Variants in LRFN5 observed in about 807,000 individuals in gnomAD.
LRFN5 encodes the protein leucine rich repeat and fibronectin type III domain containing 5.
Under a neutral mutation model 45.6 loss-of-function variants are expected in LRFN5, and 24 were observed. The observed-to-expected ratio is 0.53, with a 90% CI of 0.38 to 0.74. The LOEUF is 0.74. LRFN5 is among the 30% of genes least tolerant of loss of function. The pLI is 0.00. For synonymous variants in LRFN5, 340 were observed against 313.8 expected (o/e 1.08, Z -0.88); for missense variants, 776 against 861.5 (o/e 0.90, Z 1.24).
At chr14:41,650,268 A>AC (rs1437857911) in intron 1 of LRFN5, among the ~76,000 whole-genome samples, 1,384 of 129,368 alleles carry the variant, frequency 0.011, 9 homozygotes, top group Admixed American at 0.014. Context: ...CACACACACA[A>AC]AAAAAAAAAA....
intron 1 of LRFN5, among the ~76,000 whole-genome samples, chr14:41,744,070 G>C (rs1456789871): frequency 6.6e-6 from 1 of 152,070 alleles, no homozygotes; most frequent in Non-Finnish European, 1.5e-5. Context: ...AAATGAGAAA[G>C]CTACTGGGTG....
chr14:41,699,802 T>C (rs1227105328), intron 1 of LRFN5: 2 of 152,060 alleles, frequency 1.3e-5, no homozygotes, highest in South Asian at 2.1e-4. Flanking sequence ...AAAGTGTAGG[T>C]ATTCAGGGAG....
At chr14:41,857,652 A>G (rs1004068354) in intron 2 of LRFN5, among the ~76,000 whole-genome samples, 49 of 152,336 alleles carry the variant, frequency 3.2e-4, no homozygotes, top group African/African-American at 1.2e-3. Context: ...GTGGTGATAA[A>G]AACATGCATA....
At chr14:41,760,940 C>T (rs190713762) in intron 1 of LRFN5, among the ~76,000 whole-genome samples, 126 of 152,154 alleles carry the variant, frequency 8.3e-4, no homozygotes, top group African/African-American at 2.9e-3. Flanking sequence ...CACAGTAAGC[C>T]CCAATGTCCA....
At position 41,726,624 on chromosome 14, in the gene LRFN5, AT is replaced by A. The variant is rs569532367; in HGVS notation, c.-196-40223del. 2.7e-3 allele frequency among the ~76,000 whole-genome samples: 298 copies of A among 108,920 alleles called. 3 individuals are homozygous for A. Among genetic ancestry groups the A allele is most frequent in the African/African-American group, 8.0e-3 (291 of 36,340 alleles). 71.5% of individuals were successfully genotyped at this position (108,920 alleles called of 152,430 possible). ...CCATGAACAAAATAATGGTTCATAT[AT>A]TTTTTTCTATTTTTTTTGACTTTTT... On this transcript the variant is annotated intron_variant, in intron 1 of 5. Coordinates refer to ENST00000298119, the MANE Select transcript of LRFN5 (RefSeq NM_152447.5).
intron 1 of LRFN5, among the ~76,000 whole-genome samples, chr14:41,696,593 C>T (rs1226492857): frequency 2.5e-5 from 2 of 80,520 alleles, no homozygotes; most frequent in Non-Finnish European, 4.5e-5. Context: ...CTCAGAAGAG[C>T]AATTGCTGGA....
chr14:41,760,752 G>A (rs551348756), intron 1 of LRFN5, among the ~76,000 whole-genome samples: 14 of 151,790 alleles, frequency 9.2e-5, no homozygotes, highest in Non-Finnish European at 1.9e-4. Context: ...AACAGGGAGG[G>A]ACGGGACACA....
At chr14:41,666,245 C>G (rs1880892393) in intron 1 of LRFN5, among the ~76,000 whole-genome samples, 1 of 151,864 alleles carries the variant, frequency 6.6e-6, no homozygotes, top group Non-Finnish European at 1.5e-5. Context: ...TTTATTGCAG[C>G]CCTGAAGAGC....
chr14:41,721,686 A>G (rs561850003), intron 1 of LRFN5, among the ~76,000 whole-genome samples: 1 of 152,204 alleles, frequency 6.6e-6, no homozygotes. Context: ...GAATGCTGAA[A>G]AAAGGCTTCC....
chr14:41,730,697 C>T (rs1300680449), intron 1 of LRFN5, among the ~76,000 whole-genome samples: 1 of 151,624 alleles, frequency 6.6e-6, no homozygotes, highest in Admixed American at 6.6e-5. Context: ...TGTTTTAGAG[C>T]CTTGGTTCTT....
intron 1 of LRFN5, among the ~76,000 whole-genome samples, chr14:41,659,476 G>C (rs575666861): frequency 2.6e-5 from 4 of 152,124 alleles, no homozygotes; most frequent in African/African-American, 9.6e-5. Context: ...GTTGGTTCCA[G>C]GTATTTGCTA....
At chr14:41,669,666 A>C (rs1294077515) in intron 1 of LRFN5, among the ~76,000 whole-genome samples, 1 of 152,038 alleles carries the variant, frequency 6.6e-6, no homozygotes, top group Non-Finnish European at 1.5e-5. Context: ...TAATTAGTGA[A>C]ACAATGTACA....
intron 1 of LRFN5, chr14:41,742,956 A>T (rs919865175): frequency 6.4e-6 from 1 of 156,186 alleles, no homozygotes. Flanking sequence ...GAATTGCTCA[A>T]CTTAGAGTGA....
intron 1 of LRFN5, among the ~76,000 whole-genome samples, chr14:41,760,164 T>C (rs1405461437): frequency 6.6e-6 from 1 of 152,200 alleles, no homozygotes; most frequent in Non-Finnish European, 1.5e-5. Context: ...ACAGTAAAAA[T>C]ACGGAAAAGT....
chr14:41,676,155 C>T (rs1188002387), intron 1 of LRFN5, among the ~76,000 whole-genome samples: 3 of 152,216 alleles, frequency 2.0e-5, no homozygotes, highest in African/African-American at 7.2e-5. Flanking sequence ...AATGCCCCTT[C>T]AATGACTGTA....
At chr14:41,646,318 T>C (rs1465748205) in intron 1 of LRFN5, among the ~76,000 whole-genome samples, 2 of 152,216 alleles carry the variant, frequency 1.3e-5, no homozygotes, top group African/African-American at 2.4e-5. Context: ...TTTTAATTGA[T>C]ATTTTTAAGT....
chr14:41,775,106 T>TTTTTTTG (rs1397843557), intron 2 of LRFN5, among the ~76,000 whole-genome samples: 28 of 146,614 alleles, frequency 1.9e-4, no homozygotes, highest in Non-Finnish European at 1.0e-4. Flanking sequence ...TTTTTTTTTT[T>TTTTTTTG]TTGAGACGGA....
chr14:41,809,992 A>G (rs1008545575), intron 2 of LRFN5, among the ~76,000 whole-genome samples: 1 of 152,072 alleles, frequency 6.6e-6, no homozygotes, highest in Non-Finnish European at 1.5e-5. Flanking sequence ...GGATAGCAGA[A>G]TAAGTCACTT....
At chr14:41,751,781 T>C (rs142893143) in intron 1 of LRFN5, among the ~76,000 whole-genome samples, 9 of 152,302 alleles carry the variant, frequency 5.9e-5, no homozygotes, top group Non-Finnish European at 8.8e-5. Context: ...TTTAAAATTA[T>C]ACTTTAAGTT....
Sources: gnomAD v4.1 joint callset for allele counts (sites outside exome capture counted in the v4.1 genomes callset) on GRCh38, gnomAD v4.1.1 for gene constraint, MANE v1.5 for transcripts, NCBI Gene and HGNC (gene_info 2026-07-23, HGNC 2026-07-21) for gene names.